LARGE1: variants seen among roughly 807,000 people sequenced by gnomAD.
LARGE1 encodes the protein xylosyl- and glucuronyltransferase LARGE1.
In LARGE1, 43 loss-of-function variants were observed where a neutral mutation model predicts 87.6. The ratio of observed to expected loss-of-function variants is 0.49; its 90% CI spans 0.38 to 0.63. LARGE1 has a LOEUF of 0.63. Among genes scored for constraint, LARGE1 ranks in the 30% least tolerant of loss-of-function variants. LARGE1 has a pLI of 0.00. For missense variants in LARGE1, 802 were observed against 1,000.2 expected (o/e 0.80, Z 2.67); for synonymous variants, 434 against 394.6 (o/e 1.10, Z -1.18).
intron 1 of LARGE1, among the ~76,000 whole-genome samples, chr22:33,799,544 G>A (rs893171712): frequency 6.6e-5 from 10 of 152,072 alleles, no homozygotes; most frequent in Non-Finnish European, 1.5e-4. Context: ...GGGTTCAAGC[G>A]ATTCTCCTGC....
At chr22:33,725,659 T>C (rs1248754408) in intron 2 of LARGE1, 1 of 152,200 alleles carries the variant, frequency 6.6e-6, no homozygotes, top group Admixed American at 6.5e-5. Flanking sequence ...TCCACAGGTG[T>C]GTGACTGTGA....
intron 6 of LARGE1, among the ~76,000 whole-genome samples, chr22:33,490,235 G>A: frequency 6.6e-6 from 1 of 152,202 alleles, no homozygotes; most frequent in African/African-American, 2.4e-5. Context: ...GGCTGGGACT[G>A]CGTCTTATCC....
chr22:33,588,042 T>A (rs376238404), intron 5 of LARGE1, among the ~76,000 whole-genome samples: 7 of 152,158 alleles, frequency 4.6e-5, no homozygotes, highest in Non-Finnish European at 4.4e-5. Context: ...TCACGGCAGA[T>A]AAAATAACGT....
At chr22:33,356,351 C>A (rs977226859) in intron 9 of LARGE1, among the ~76,000 whole-genome samples, 2 of 152,202 alleles carry the variant, frequency 1.3e-5, no homozygotes, top group East Asian at 3.8e-4. Flanking sequence ...GCTTAGCCTG[C>A]CATTCTCTGG....
intron 7 of LARGE1, among the ~76,000 whole-genome samples, chr22:33,429,104 T>C (rs899550048): frequency 1.3e-5 from 2 of 151,866 alleles, no homozygotes; most frequent in Admixed American, 6.6e-5. Context: ...CTGCTGGAGA[T>C]ATTCTTTTTG....
At chr22:33,485,913 A>AC (rs2148243885) in intron 6 of LARGE1, among the ~76,000 whole-genome samples, 1 of 152,240 alleles carries the variant, frequency 6.6e-6, no homozygotes, top group Non-Finnish European at 1.5e-5. Flanking sequence ...GTGGGCAGAA[A>AC]TTTTTGTCTG....
At chr22:33,130,762 G>A in the LARGE1 span, among the ~76,000 whole-genome samples, 1 of 151,958 alleles carries the variant, frequency 6.6e-6, no homozygotes, top group Non-Finnish European at 1.5e-5. Context: ...AGCAACCATC[G>A]AGGCCAGGTG....
At chr22:33,812,581 T>G (rs1450405983) in intron 1 of LARGE1, among the ~76,000 whole-genome samples, 1 of 152,200 alleles carries the variant, frequency 6.6e-6, no homozygotes, top group Non-Finnish European at 1.5e-5. Context: ...TCATCTTTGA[T>G]CCGCCGGGTT....
At chr22:33,853,577 G>A (rs2063672009) in intron 1 of LARGE1, among the ~76,000 whole-genome samples, 1 of 152,206 alleles carries the variant, frequency 6.6e-6, no homozygotes, top group Admixed American at 6.5e-5. Context: ...CCAGTATGAT[G>A]TTCACAGATA....
chr22:33,196,128 T>TAA (rs1555881696), intron 11 of LARGE1, among the ~76,000 whole-genome samples: 17 of 103,110 alleles, frequency 1.6e-4, no homozygotes, highest in African/African-American at 4.7e-4. Flanking sequence ...CAAAGTAAAT[T>TAA]AAAAAAAAAA....
intron 1 of LARGE1, among the ~76,000 whole-genome samples, chr22:33,886,576 C>G (rs918500545): frequency 7.2e-6 from 1 of 139,036 alleles, no homozygotes; most frequent in Non-Finnish European, 1.5e-5. Flanking sequence ...ATTTAGGAGT[C>G]TGAGGCAGGA....
chr22:33,334,952 C>A (rs1477896094), intron 10 of LARGE1, among the ~76,000 whole-genome samples: 3 of 152,184 alleles, frequency 2.0e-5, no homozygotes, highest in Non-Finnish European at 2.9e-5. Context: ...CGCCGATCCC[C>A]CCAGGGGAAG....
chr22:33,331,490 C>T lies in LARGE1; in HGVS notation c.1287+6156G>A, dbSNP rs189337047. ...TGGCATGATTTCGGCTCACTGCATC[C>T]TCTGCCTCCCAGGTTCAAGCGATTC... On this transcript the variant is annotated intron_variant, in intron 10 of 14. Coordinates refer to ENST00000397394, the MANE Select transcript of LARGE1 (RefSeq NM_133642.5). Among the ~76,000 whole-genome samples, 787 of 150,958 alleles carry T rather than the reference C, an allele frequency of 5.2e-3. 1 individual carries two copies. The highest frequency in any genetic ancestry group is 8.4e-3 in the Non-Finnish European group (572 of 67,916).
intron 1 of LARGE1, among the ~76,000 whole-genome samples, chr22:33,807,176 A>G (rs2086339328): frequency 6.6e-6 from 1 of 152,120 alleles, no homozygotes; most frequent in African/African-American, 2.4e-5. Flanking sequence ...AAGCTATGTG[A>G]CCCTGAGTTA....
intron 7 of LARGE1, among the ~76,000 whole-genome samples, chr22:33,423,602 C>A (rs1359832394): frequency 6.6e-6 from 1 of 151,344 alleles, no homozygotes; most frequent in Non-Finnish European, 1.5e-5. Context: ...ATGGCTTGAA[C>A]CCCGGAGACG....
intron 1 of LARGE1, among the ~76,000 whole-genome samples, chr22:33,879,200 A>G (rs577807908): frequency 6.6e-6 from 1 of 152,252 alleles, no homozygotes; most frequent in South Asian, 2.1e-4. Context: ...TCCTGACCTC[A>G]GGTGATCTGC....
chr22:33,757,117 A>C (rs1283762175), intron 2 of LARGE1, among the ~76,000 whole-genome samples: 2 of 152,200 alleles, frequency 1.3e-5, no homozygotes, highest in East Asian at 1.9e-4. Flanking sequence ...CTGGGCCTTC[A>C]AAAGGTGTCT....
At chr22:33,097,008 T>C in the LARGE1 span, among the ~76,000 whole-genome samples, 1 of 152,250 alleles carries the variant, frequency 6.6e-6, no homozygotes, top group African/African-American at 2.4e-5. Flanking sequence ...CAGAGACTTC[T>C]TGTGCTGGAA....
At chr22:33,506,367 C>G (rs1209107423) in intron 6 of LARGE1, among the ~76,000 whole-genome samples, 1 of 152,128 alleles carries the variant, frequency 6.6e-6, no homozygotes, top group Non-Finnish European at 1.5e-5. Context: ...AGATGAGCGC[C>G]CCCAGAGCAG....
Sources: allele counts gnomAD v4.1 joint callset (sites outside exome capture counted in the v4.1 genomes callset), GRCh38; gene constraint gnomAD v4.1.1; transcripts MANE v1.5; gene names NCBI Gene and HGNC (gene_info 2026-07-23, HGNC 2026-07-21).